Variants in FREM3 observed in about 807,000 individuals in gnomAD.
The protein encoded by FREM3 is FRAS1 related extracellular matrix 3, also known as FRAS1-related extracellular matrix protein 3.
In FREM3, 105 loss-of-function variants were observed where a neutral mutation model predicts 129.1. The observed-to-expected ratio is 0.81, with a 90% CI of 0.69 to 0.96. The LOEUF is 0.96. Among genes scored for constraint, FREM3 ranks in the 40% least tolerant of loss-of-function variants. The pLI, the probability that FREM3 is intolerant of heterozygous loss-of-function variation, is 0.00. For synonymous variants in FREM3, 1,014 were observed against 1,044.9 expected (o/e 0.97, Z 0.57); for missense variants, 2,593 against 2,666.3 (o/e 0.97, Z 0.61).
intron 6 of FREM3, among the ~76,000 whole-genome samples, chr4:143,603,955 C>T (rs1441976082): frequency 6.6e-6 from 1 of 152,184 alleles, no homozygotes; most frequent in Non-Finnish European, 1.5e-5. Flanking sequence ...TTCCAAATCT[C>T]TTATTGAAAT....
chr4:143,692,670 A>G lies in FREM3; in HGVS notation c.5275+443T>C, dbSNP rs553778111. On this transcript the variant is annotated intron_variant, in intron 2 of 7. Transcript: ENST00000329798. The stretch of plus-strand genomic sequence containing the variant: ...GGAGAAATATATATATATCTACCCC[A>G]TCCAGAAAGATTTCAAGTCTAAGAT... 2.0e-5 allele frequency among the ~76,000 whole-genome samples: 3 copies of G among 152,296 alleles called. No homozygotes were observed. The East Asian group carries it at 5.8e-4, about 29-fold the overall frequency.
intron 2 of FREM3, among the ~76,000 whole-genome samples, chr4:143,692,257 C>G (rs1740485651): frequency 2.0e-5 from 3 of 152,118 alleles, no homozygotes. Flanking sequence ...GTCACTTACT[C>G]AAGGTCACAC....
At chr4:143,673,591 C>CTAGGAG (rs1436674385) in intron 2 of FREM3, among the ~76,000 whole-genome samples, 10 of 152,290 alleles carry the variant, frequency 6.6e-5, no homozygotes, top group Admixed American at 5.9e-4. Context: ...AAACTCCATG[C>CTAGGAG]TAGGAGAACC....
rs567374286 is a variant in FREM3 at position 143,624,237 on chromosome 4, T to G, written c.5524A>C (p.Arg1842=). ...TCATTGTCAGGTATAATTCTCACCC[T>G]CCATGTGGCTGTAGTCTGTCCAGGA... ...FNPGQTTATW[R]VRIIPDNEYE... Residue 1842 remains arginine, a synonymous_variant, in exon 4 of 8, where the codon AGG becomes CGG. Transcript: ENST00000329798. The G allele has an allele frequency of 5.2e-6, 8 of 1,535,826 alleles. No homozygotes were observed. Among genetic ancestry groups the G allele is most frequent in the Non-Finnish European group, 7.0e-6 (8 of 1,145,718 alleles).
intron 7 of FREM3, among the ~76,000 whole-genome samples, chr4:143,579,066 A>AC (rs1738089509): frequency 6.6e-6 from 1 of 152,050 alleles, no homozygotes; most frequent in South Asian, 2.1e-4. Flanking sequence ...AGTTGACAAA[A>AC]AAAAAAAAAA....
At chr4:143,628,232 T>G (rs1021315790) in intron 2 of FREM3, among the ~76,000 whole-genome samples, 1 of 152,134 alleles carries the variant, frequency 6.6e-6, no homozygotes, top group Non-Finnish European at 1.5e-5. Context: ...ATTTACCTAT[T>G]TTATCACTTT....
In FREM3 at chr4:143,695,503, C is replaced by A; in HGVS notation, c.5173G>T (p.Val1725Leu). 6.5e-7 allele frequency: 1 copy of A among 1,537,104 alleles called. No homozygotes were observed. The highest frequency in any genetic ancestry group is 1.2e-5 in the South Asian group (1 of 83,960). ...KTGLGNQSTRVFTQADIDEMK... is the reference protein window; with the variant it reads ...KTGLGNQSTRLFTQADIDEMK... ...AATACATACTAACCTTGTGTAAACA[C>A]TCGAGTGCTCTGGTTTCCAAGGCCA... Residue 1725 changes from valine (V) to leucine (L), a missense_variant, in exon 1 of 8, where the codon GTG (valine) becomes TTG (leucine). Physicochemically the swap from Val to Leu is conservative, Grantham distance 32. This residue lies in a region of FREM3 where 2,276 missense variants were observed against 2,267.2 expected (regional missense o/e 1.00). Transcript: ENST00000329798.
At chr4:143,659,416 A>AT (rs1739662941) in intron 2 of FREM3, among the ~76,000 whole-genome samples, 1 of 152,004 alleles carries the variant, frequency 6.6e-6, no homozygotes, top group African/African-American at 2.4e-5. Flanking sequence ...TACAAAGGAC[A>AT]TTTTTTATGG....
At chr4:143,652,483 G>T (rs963687101) in intron 2 of FREM3, among the ~76,000 whole-genome samples, 1 of 152,066 alleles carries the variant, frequency 6.6e-6, no homozygotes, top group African/African-American at 2.4e-5. Context: ...CTTAAAAAAA[G>T]AGTAATACAT....
At chr4:143,614,632 G>A (rs1738814272) in intron 5 of FREM3, among the ~76,000 whole-genome samples, 1 of 152,214 alleles carries the variant, frequency 6.6e-6, no homozygotes, top group South Asian at 2.1e-4. Flanking sequence ...CATGATGAAT[G>A]ACAGTTTTAA....
rs1470345076 is a variant in FREM3, at chr4:143,624,155, A to G, written c.5606T>C (p.Leu1869Pro). Reference sequence around the variant, plus strand: ...AACCGTTGCCATTTCTGGAAACTCCAGTACAGCCATGAGAGGTTCAGACAG... The same window carrying G: ...AACCGTTGCCATTTCTGGAAACTCCGGTACAGCCATGAGAGGTTCAGACAG... Reference protein sequence around the residue: ...IILSEPLMAVLEFPEMATVEI... With the variant: ...IILSEPLMAVPEFPEMATVEI... Residue 1869 changes from leucine to proline, a missense_variant, in exon 4 of 8, where the codon CTG (leucine) becomes CCG (proline). Coordinates refer to ENST00000329798, the MANE Select transcript of FREM3 (RefSeq NM_001168235.2). The G allele has an allele frequency of 6.5e-7, 1 of 1,536,898 alleles. No homozygotes were observed. The highest frequency in any genetic ancestry group is 2.4e-5 in the East Asian group (1 of 40,902).
chr4:143,611,384 C>T lies in FREM3; in HGVS notation c.5923G>A (p.Glu1975Lys), dbSNP rs368852203. The T allele has an allele frequency of 7.0e-5, 107 of 1,537,172 alleles. No individual in the cohort carries two copies. In the African/African-American group the frequency reaches 1.3e-3, roughly 18 times the overall value. The change falls in exon 6 of 8, where the codon GAA (glutamate) becomes AAA (lysine). Residue 1975 changes from glutamate (E) to lysine (K), a missense_variant. Physicochemically the swap from Glu to Lys is moderately conservative, Grantham distance 56. Transcript: ENST00000329798. Reference protein sequence around the residue: ...QVLIIDDSLYEEEESFSVSLR... With the variant: ...QVLIIDDSLYKEEESFSVSLR... Reference sequence around the variant, plus strand: ...GAAACGCTGAAGGATTCCTCCTCTTCATAAAGGGAGTCATCAATGATCAGG... The same window carrying T: ...GAAACGCTGAAGGATTCCTCCTCTTTATAAAGGGAGTCATCAATGATCAGG...
intron 2 of FREM3, among the ~76,000 whole-genome samples, chr4:143,653,729 G>T (rs1454205488): frequency 2.0e-5 from 3 of 152,160 alleles, no homozygotes; most frequent in Non-Finnish European, 4.4e-5. Context: ...CATTAGAATT[G>T]CTGGGGAAGT....
At position 143,621,738 on chromosome 4, in the gene FREM3, G is replaced by C. The variant is rs112543161; in HGVS notation, c.5654-576C>G. Among the ~76,000 whole-genome samples, 956 of 152,202 alleles carry C rather than the reference G, an allele frequency of 6.3e-3. 14 individuals carry two copies. The highest frequency in any genetic ancestry group is 0.022 in the African/African-American group (921 of 41,494). On this transcript the variant is annotated intron_variant, in intron 4 of 7. Transcript: ENST00000329798. ...TATGTGCACACACGTTTGTGTGTGT[G>C]TGTATGTGTGTGTGTGCATACACCT...
intron 2 of FREM3, among the ~76,000 whole-genome samples, chr4:143,681,685 T>G (rs1740253112): frequency 6.6e-6 from 1 of 152,172 alleles, no homozygotes; most frequent in Non-Finnish European, 1.5e-5. Flanking sequence ...CCAGTTAAAC[T>G]CTATACACCA....
intron 2 of FREM3, among the ~76,000 whole-genome samples, chr4:143,675,131 T>C (rs1168084706): frequency 6.6e-6 from 1 of 152,138 alleles, no homozygotes; most frequent in Non-Finnish European, 1.5e-5. Flanking sequence ...ATTGACCACA[T>C]AGTTGGAAGT....
At position 143,634,501 on chromosome 4, in the gene FREM3, C is replaced by G. The variant is rs565868767; in HGVS notation, c.5276-6741G>C. On this transcript the variant is annotated intron_variant, in intron 2 of 7. Coordinates refer to ENST00000329798, the MANE Select transcript of FREM3 (RefSeq NM_001168235.2). ...GCCATCACCCTTTTTCACCCTCTCT[C>G]AGACCTGCTACTGGGGTATTGATGG... Among the ~76,000 whole-genome samples, 22 of 152,158 alleles carry G rather than the reference C, an allele frequency of 1.4e-4. No individual in the cohort carries two copies. In the East Asian group the frequency reaches 2.9e-3, roughly 20 times the overall value.
In FREM3 at chr4:143,585,309, C is replaced by A. The variant is rs1453897197; in HGVS notation, c.6178+535G>T. On this transcript the variant is annotated intron_variant, in intron 7 of 7. Coordinates refer to ENST00000329798, the MANE Select transcript of FREM3 (RefSeq NM_001168235.2). The surrounding 1 kb of genome is among the most constrained non-coding windows in gnomAD (Gnocchi z 4.2). ...GTCCTGTTCTTTTTCTGATAAAGCA[C>A]CTGACAGGTACTCTAGAGGAAATGA... Among the ~76,000 whole-genome samples the A allele has an allele frequency of 6.6e-6, 1 of 152,190 alleles. No homozygotes were observed. Among genetic ancestry groups the A allele is most frequent in the Admixed American group, 6.5e-5 (1 of 15,288 alleles).
chr4:143,647,280 C>G (rs1739434458), intron 2 of FREM3, among the ~76,000 whole-genome samples: 1 of 152,118 alleles, frequency 6.6e-6, no homozygotes, highest in South Asian at 2.1e-4. Context: ...CAAGAGGAAG[C>G]AGACCAGAAA....
Sources: gnomAD v4.1 joint callset for allele counts (sites outside exome capture counted in the v4.1 genomes callset) on GRCh38, gnomAD v4.1.1 for gene constraint, gnomAD v4.1.1 regional missense constraint, Gnocchi (gnomAD v3.1) non-coding constraint, MANE v1.5 for transcripts, NCBI Gene and HGNC (gene_info 2026-07-23, HGNC 2026-07-21) for gene names.